Variants in ABCA12 observed in about 807,000 individuals in gnomAD.
ABCA12 encodes the protein glucosylceramide transporter ABCA12.
In ABCA12, 156 loss-of-function variants were observed where a neutral mutation model predicts 293.5. The observed-to-expected ratio is 0.53, with a 90% CI of 0.47 to 0.61. The LOEUF is 0.61. ABCA12 is among the 20% of genes least tolerant of loss of function. ABCA12 has a pLI of 0.00. For missense variants in ABCA12, 2,797 were observed against 3,090.2 expected, an observed-to-expected ratio of 0.91 and a Z score of 2.25; for synonymous variants, 1,063 against 1,108.0, an observed-to-expected ratio of 0.96 and a Z score of 0.81.
chr2:215,050,423 C>A (rs573140439), intron 5 of ABCA12, among the ~76,000 whole-genome samples: 5 of 152,014 alleles, frequency 3.3e-5, no homozygotes, highest in African/African-American at 1.2e-4. Context: ...AAATCATTTT[C>A]GTAATGGAAT....
At chr2:214,983,940 T>A in intron 28 of ABCA12, 75 bp from the exon 29 acceptor site, 2 of 1,337,800 alleles carry the variant, frequency 1.5e-6, no homozygotes, top group South Asian at 2.5e-5. Context: ...TATATCTCAG[T>A]TGTTAGAAGG....
At chr2:214,968,995 G>A (rs1699328521) in intron 37 of ABCA12, among the ~76,000 whole-genome samples, 188 bp from the exon 38 acceptor site, 1 of 151,900 alleles carries the variant, frequency 6.6e-6, no homozygotes, top group Admixed American at 6.6e-5. Flanking sequence ...AGTCTCAAGT[G>A]TACATTATAA....
chr2:215,060,799 C>G (rs1041008575), intron 3 of ABCA12, among the ~76,000 whole-genome samples: 5 of 151,976 alleles, frequency 3.3e-5, no homozygotes, highest in African/African-American at 7.2e-5. Context: ...TAAACAAAAG[C>G]CTTGGCACTT....
intron 26 of ABCA12, among the ~76,000 whole-genome samples, chr2:214,988,217 C>T (rs935222087): frequency 6.6e-6 from 1 of 152,078 alleles, no homozygotes; most frequent in African/African-American, 2.4e-5. Flanking sequence ...ATAATTTTGC[C>T]ACTTAGAAAA....
rs76914468 is a variant in ABCA12 at position 215,131,079 on chromosome 2, C to T, written c.69+7061G>A. ...ATTTGTGTATATTGAGCCATCCTTG[C>T]TTCCCTGATCATGGTGAATCATTTT... is the stretch of plus-strand genomic sequence containing the variant. On this transcript the variant is annotated intron_variant, in intron 1 of 52. Coordinates refer to ENST00000272895, the MANE Select transcript of ABCA12 (RefSeq NM_173076.3). Among the ~76,000 whole-genome samples, 406 of 152,094 alleles carry T rather than the reference C, an allele frequency of 2.7e-3. 3 individuals carry two copies. Among genetic ancestry groups the T allele is most frequent in the African/African-American group, 9.5e-3 (396 of 41,520 alleles).
intron 1 of ABCA12, among the ~76,000 whole-genome samples, chr2:215,112,202 A>T (rs1277859422): frequency 6.6e-6 from 1 of 152,164 alleles, no homozygotes; most frequent in Non-Finnish European, 1.5e-5. Context: ...TTAAGAATGA[A>T]CCAAAAAAGA....
chr2:214,935,120 T>G (rs1344352555), intron 51 of ABCA12, among the ~76,000 whole-genome samples: 1 of 152,204 alleles, frequency 6.6e-6, no homozygotes, highest in African/African-American at 2.4e-5. Context: ...CTTTGTGCAT[T>G]GCTTAGCGTC....
At chr2:215,130,497 G>A (rs1213731435) in intron 1 of ABCA12, among the ~76,000 whole-genome samples, 3 of 151,938 alleles carry the variant, frequency 2.0e-5, no homozygotes, top group Non-Finnish European at 2.9e-5. Context: ...TATTTTAAAT[G>A]GCCTTAAGTT....
At chr2:214,992,997 A>G (rs1005070587) in intron 23 of ABCA12, among the ~76,000 whole-genome samples, 1 of 152,230 alleles carries the variant, frequency 6.6e-6, no homozygotes, top group Admixed American at 6.5e-5. Context: ...AAAAAAAATT[A>G]TAGCAAATGC....
chr2:214,948,810 G>A, intron 46 of ABCA12, 73 bp from the exon 47 acceptor site: 1 of 1,579,356 alleles, frequency 6.3e-7, no homozygotes, highest in Non-Finnish European at 8.7e-7. Flanking sequence ...ATGCTGGGAA[G>A]GTAGCTCTAT....
At position 214,964,372 on chromosome 2, in the gene ABCA12, C is replaced by T. The variant is rs551634006; in HGVS notation, c.5884+2476G>A. ...TATTCAACATAGTATTGGAAGTTTTCGCCAGAGCAATCAGGCAAGGTAAAG... is the reference window on the plus strand; with the variant it reads ...TATTCAACATAGTATTGGAAGTTTTTGCCAGAGCAATCAGGCAAGGTAAAG... On this transcript the variant is annotated intron_variant, in intron 39 of 52. Transcript: ENST00000272895. Among the ~76,000 whole-genome samples the T allele has an allele frequency of 1.3e-3, 203 of 152,152 alleles. 1 individual carries two copies. Among genetic ancestry groups the T allele is most frequent in the Middle Eastern group, 3.4e-3 (1 of 294 alleles).
At chr2:215,060,471 A>G (rs1247213905) in intron 3 of ABCA12, among the ~76,000 whole-genome samples, 1 of 151,986 alleles carries the variant, frequency 6.6e-6, no homozygotes, top group African/African-American at 2.4e-5. Flanking sequence ...TTCTGTTTAA[A>G]TTACATGTAA....
intron 13 of ABCA12, 117 bp downstream of exon 13, chr2:215,019,219 A>T: frequency 1.2e-6 from 1 of 835,724 alleles, no homozygotes; most frequent in South Asian, 1.4e-5. Flanking sequence ...TCTCATGTGT[A>T]AGGGCAGATA....
intron 28 of ABCA12, among the ~76,000 whole-genome samples, chr2:214,986,069 T>C (rs1699778816): frequency 6.6e-6 from 1 of 152,168 alleles, no homozygotes; most frequent in African/African-American, 2.4e-5. Flanking sequence ...TGAGGCTAAG[T>C]GTGTTTATAT....
intron 5 of ABCA12, 45 bp from the exon 6 acceptor site, chr2:215,049,856 G>A (rs776255238): frequency 2.6e-6 from 4 of 1,535,416 alleles, no homozygotes; most frequent in Non-Finnish European, 3.6e-6. Context: ...GTTAATAAAT[G>A]TAGATGTTCA....
At chr2:215,121,340 T>C (rs919434965) in intron 1 of ABCA12, among the ~76,000 whole-genome samples, 1 of 152,234 alleles carries the variant, frequency 6.6e-6, no homozygotes, top group East Asian at 1.9e-4. Flanking sequence ...TTAAAGGACT[T>C]TCTGTAACCT....
chr2:214,950,305 G>C (rs542346979), intron 45 of ABCA12, among the ~76,000 whole-genome samples: 1 of 151,748 alleles, frequency 6.6e-6, no homozygotes, highest in East Asian at 1.9e-4. Flanking sequence ...CATGGATATG[G>C]AGGGATGACT....
intron 20 of ABCA12, among the ~76,000 whole-genome samples, chr2:215,002,725 A>G (rs879770915): frequency 1.2e-4 from 19 of 152,178 alleles, no homozygotes; most frequent in Non-Finnish European, 2.6e-4. Context: ...CTGGAAATCA[A>G]CACAACACCA....
chr2:214,966,794 T>A, intron 39 of ABCA12, 54 bp downstream of exon 39: 1 of 1,538,756 alleles, frequency 6.5e-7, no homozygotes, highest in Admixed American at 1.7e-5. Context: ...TGCATTTTTA[T>A]ACAAAGAGTA....
Sources: allele counts gnomAD v4.1 joint callset (sites outside exome capture counted in the v4.1 genomes callset), GRCh38; gene constraint gnomAD v4.1.1; transcripts MANE v1.5; gene names NCBI Gene and HGNC (gene_info 2026-07-23, HGNC 2026-07-21).